The following VPS13C variants were observed in gnomAD, a reference collection of about 807,000 sequenced individuals.
VPS13C encodes intermembrane lipid transfer protein VPS13C.
Under a neutral mutation model 456.8 loss-of-function variants are expected in VPS13C, and 358 were observed. The observed-to-expected ratio is 0.78, with a 90% confidence interval of 0.72 to 0.86. The LOEUF is 0.86. Ranked by LOEUF, VPS13C falls within the 40% of genes least tolerant of loss-of-function variation. The pLI is 0.00. For synonymous variants in VPS13C, 1,578 were observed against 1,486.7 expected, an observed-to-expected ratio of 1.06 and a Z score of -1.41; for missense variants, 4,818 against 4,385.4, an observed-to-expected ratio of 1.10 and a Z score of -2.79.
chr15:61,922,107 T>C, intron 54 of VPS13C, 74 bp from the exon 55 acceptor site: 1 of 1,461,084 alleles, frequency 6.8e-7, no homozygotes, highest in Non-Finnish European at 9.5e-7. Context: ...AATAGGGAAA[T>C]TATTAAGTAA....
At chr15:62,014,769 CAGA>C (rs2047168881) in intron 9 of VPS13C, among the ~76,000 whole-genome samples, 2 of 151,854 alleles carry the variant, frequency 1.3e-5, no homozygotes, top group Admixed American at 6.6e-5. Flanking sequence ...GTGGTTTTGA[CAGA>C]AGGAGATTAA....
chr15:62,002,513 C>T (rs28837073), intron 15 of VPS13C, among the ~76,000 whole-genome samples: 58,970 of 151,984 alleles, frequency 0.39, 12,982 homozygotes, highest in Admixed American at 0.51. Context: ...TGCAGAAGCG[C>T]TTTAGTTTAA....
At chr15:61,931,456 A>G (rs916308918) in intron 49 of VPS13C, among the ~76,000 whole-genome samples, 197 bp from the exon 50 acceptor site, 3 of 152,210 alleles carry the variant, frequency 2.0e-5, no homozygotes, top group Non-Finnish European at 2.9e-5. Context: ...ATAAATAGAT[A>G]TATGTGTGAA....
chr15:61,940,317 C>T (rs1320001754), intron 47 of VPS13C, among the ~76,000 whole-genome samples: 2 of 152,192 alleles, frequency 1.3e-5, no homozygotes, highest in African/African-American at 2.4e-5. Flanking sequence ...TACACTCCAA[C>T]AGATTTTATC....
chr15:61,954,319 A>AT (rs1177355921), intron 38 of VPS13C, 102 bp downstream of exon 38: 2 of 1,328,560 alleles, frequency 1.5e-6, no homozygotes, highest in Non-Finnish European at 2.1e-6. Flanking sequence ...GCCCACATAG[A>AT]TTTTTTTCAT....
At chr15:62,000,683 T>G (rs577477116) in intron 15 of VPS13C, 57 bp from the exon 16 acceptor site, 5 of 1,470,588 alleles carry the variant, frequency 3.4e-6, no homozygotes, top group Non-Finnish European at 9.2e-7. Context: ...TAAAAGAAAT[T>G]TTTCTTTCAT....
In VPS13C at chr15:61,882,632, G is replaced by A. The variant is rs765808124; in HGVS notation, c.9588C>T (p.His3196=). Residue 3196 remains histidine (H), a synonymous_variant, in exon 69 of 85, where the codon CAC becomes CAT. Coordinates refer to ENST00000644861, the MANE Select transcript of VPS13C (RefSeq NM_020821.3). ...ACAACCTGGCCCTTAAACTTCTCTG[G>A]TGAGAAGACTGCTTAAATTCAATCT... ...GIQIEFKQSS[H]QRSLRARLYW... is the part of the protein sequence containing the mutation. 1 of 1,599,404 alleles carries A rather than the reference G, an allele frequency of 6.3e-7. No homozygotes were observed. Among genetic ancestry groups the A allele is most frequent in the Non-Finnish European group, 8.5e-7 (1 of 1,173,300 alleles).
At chr15:61,926,785 T>C (rs115478969) in intron 52 of VPS13C, among the ~76,000 whole-genome samples, 53 of 152,336 alleles carry the variant, frequency 3.5e-4, no homozygotes, top group African/African-American at 1.2e-3. Flanking sequence ...ATTAATTAGG[T>C]ATACCACGGT....
At position 62,060,443 on chromosome 15, in the gene VPS13C, G is replaced by T; in HGVS notation, c.-69C>A. The T allele has an allele frequency of 2.6e-6, 2 of 783,526 alleles. No individual in the cohort carries two copies. Among genetic ancestry groups the T allele is most frequent in the Non-Finnish European group, 4.0e-6 (2 of 494,102 alleles). 48.5% of individuals were successfully genotyped at this position (783,526 alleles called of 1,614,324 possible). A position where few individuals can be genotyped will look rare whatever the true frequency, so the allele number is the denominator to read the frequency against. On this transcript the variant is annotated 5_prime_UTR_variant, in exon 1 of 85. Transcript: ENST00000644861. ...GGCGCAGCTGAGGGCTGCGACCAGC[G>T]CTGCAAATGACAGCCCCTCCGGCGC...
intron 15 of VPS13C, among the ~76,000 whole-genome samples, chr15:62,003,089 A>T (rs2046693807): frequency 6.6e-6 from 1 of 152,106 alleles, no homozygotes; most frequent in Admixed American, 6.5e-5. Context: ...GATGGCATTG[A>T]ATCTGTAAAT....
In VPS13C at chr15:61,918,776, T is replaced by C. The variant is rs886859694; in HGVS notation, c.7638+513A>G. Among the ~76,000 whole-genome samples, 5 of 152,122 alleles carry C rather than the reference T, an allele frequency of 3.3e-5. No homozygotes were observed. The South Asian group carries it at 1.0e-3, about 31-fold the overall frequency. ...AAAAAATGTTCTTTTGTTGACCATA[T>C]GCTGAAACCTGTAGTAATACACAGA... On this transcript the variant is annotated intron_variant, in intron 58 of 84. Coordinates refer to ENST00000644861, the MANE Select transcript of VPS13C (RefSeq NM_020821.3).
chr15:61,932,827 C>T (rs2044106314), intron 49 of VPS13C, among the ~76,000 whole-genome samples: 1 of 152,204 alleles, frequency 6.6e-6, no homozygotes, highest in Admixed American at 6.5e-5. Context: ...CTGCTGATGA[C>T]AACACACTAA....
At chr15:62,030,152 CA>C (rs1006530798) in intron 5 of VPS13C, among the ~76,000 whole-genome samples, 1 of 152,020 alleles carries the variant, frequency 6.6e-6, no homozygotes, top group Admixed American at 6.6e-5. Flanking sequence ...ATATAGCAGA[CA>C]AATTTCATGT....
At position 62,008,784 on chromosome 15, in the gene VPS13C, A is replaced by G. The variant is rs770824478; in HGVS notation, c.1012-23T>C. The G allele has an allele frequency of 1.1e-5, 15 of 1,394,906 alleles. No individual in the cohort carries two copies. The Admixed American group carries it at 2.8e-4, about 26-fold the overall frequency. The allele number at this position is 1,394,906 out of a possible 1,614,324, so 86.4% of individuals were successfully genotyped here. ...GTACTGTTAAAACAAAAATAAAATT[A>G]TATTTATTACACTGTATATATAAAA... On this transcript the variant is annotated intron_variant, in intron 13 of 84. Transcript: ENST00000644861.
intron 66 of VPS13C, among the ~76,000 whole-genome samples, chr15:61,903,228 T>G (rs1006856335): frequency 6.6e-6 from 1 of 151,732 alleles, no homozygotes; most frequent in African/African-American, 2.4e-5. Context: ...GTCCCTGATA[T>G]TCGAGAGACT....
chr15:61,925,967 G>T (rs1486256460), intron 52 of VPS13C, among the ~76,000 whole-genome samples: 1 of 152,182 alleles, frequency 6.6e-6, no homozygotes, highest in Non-Finnish European at 1.5e-5. Context: ...GAAATATCAT[G>T]TAAGGCCTTT....
At chr15:61,897,629 G>A (rs963727579) in intron 66 of VPS13C, among the ~76,000 whole-genome samples, 1 of 152,150 alleles carries the variant, frequency 6.6e-6, no homozygotes, top group Non-Finnish European at 1.5e-5. Context: ...CGTCTGATTG[G>A]TGTACCTGAA....
chr15:62,008,205 T>A (rs1410161604), intron 14 of VPS13C, among the ~76,000 whole-genome samples: 1 of 151,940 alleles, frequency 6.6e-6, no homozygotes, highest in Non-Finnish European at 1.5e-5. Context: ...CACCCCAGCC[T>A]GGGTGACAGA....
At position 62,016,856 on chromosome 15, in the gene VPS13C, C is replaced by A. The variant is rs575515938; in HGVS notation, c.685-2864G>T. 2.7e-4 allele frequency among the ~76,000 whole-genome samples: 41 copies of A among 152,266 alleles called. 1 individual carries two copies. Among genetic ancestry groups the A allele is most frequent in the African/African-American group, 9.6e-4 (40 of 41,560 alleles). On this transcript the variant is annotated intron_variant, in intron 9 of 84. Transcript: ENST00000644861. ...CCTGAGGAATCGCCACACTGTCTTC[C>A]ACAATGGTTGAACTAGTTTACAGTC...
Sources: allele counts gnomAD v4.1 joint callset (sites outside exome capture counted in the v4.1 genomes callset), GRCh38; gene constraint gnomAD v4.1.1; transcripts MANE v1.5; gene names NCBI Gene and HGNC (gene_info 2026-07-23, HGNC 2026-07-21).